The following LOC400499 variants were observed in gnomAD, a reference collection of about 807,000 sequenced individuals.
At chr16:11,517,110 C>G in the LOC400499 span, among the ~76,000 whole-genome samples, 1 of 152,160 alleles carries the variant, frequency 6.6e-6, no homozygotes, top group South Asian at 2.1e-4. Context: ...GAGAGCAGCT[C>G]TCATCCTAAG....
chr16:11,381,810 C>G, the LOC400499 span, among the ~76,000 whole-genome samples: 2 of 152,170 alleles, frequency 1.3e-5, no homozygotes, highest in Non-Finnish European at 2.9e-5. Flanking sequence ...TCTTTCCACC[C>G]TCTTCCTTAG....
chr16:11,378,272 G>A, the LOC400499 span, among the ~76,000 whole-genome samples: 94 of 140,160 alleles, frequency 6.7e-4, 1 homozygote, highest in Middle Eastern at 3.6e-3. Flanking sequence ...TTTTTGCCGG[G>A]GGGAGGGGGG....
chr16:11,469,663 C>T, the LOC400499 span: 1,671 of 399,094 alleles, frequency 4.2e-3, 23 homozygotes, highest in African/African-American at 0.031. Context: ...GAACCAGCTG[C>T]CCTTCTGGAA....
At chr16:11,511,689 G>T in the LOC400499 span, among the ~76,000 whole-genome samples, 1 of 152,150 alleles carries the variant, frequency 6.6e-6, no homozygotes, top group Non-Finnish European at 1.5e-5. Flanking sequence ...GAAGATGATG[G>T]CTAATGAGCA....
At chr16:11,424,053 T>A in the LOC400499 span, 10 of 398,932 alleles carry the variant, frequency 2.5e-5, no homozygotes, top group South Asian at 8.9e-4. Context: ...CTGTTGGGTG[T>A]CCCTGGGACC....
At chr16:11,432,242 G>C in the LOC400499 span, among the ~76,000 whole-genome samples, 4 of 152,228 alleles carry the variant, frequency 2.6e-5, no homozygotes, top group Admixed American at 2.6e-4. Flanking sequence ...ACACAGAACA[G>C]AACTGCCTAA....
At chr16:11,386,250 G>C in the LOC400499 span, among the ~76,000 whole-genome samples, 6 of 151,994 alleles carry the variant, frequency 3.9e-5, no homozygotes, top group Non-Finnish European at 2.9e-5. Flanking sequence ...GCTGTGGCTT[G>C]GGGGTGGGGG....
chr16:11,423,556 A>T, the LOC400499 span, among the ~76,000 whole-genome samples: 522 of 152,376 alleles, frequency 3.4e-3, no homozygotes, highest in African/African-American at 0.012. Flanking sequence ...AGTCAGGGAA[A>T]GAGGAAGCAT....
chr16:11,484,784 G>A, the LOC400499 span: 1 of 397,036 alleles, frequency 2.5e-6, no homozygotes, highest in Non-Finnish European at 4.4e-6. Context: ...CAGAGTCAGA[G>A]TTCACGGACA....
chr16:11,498,278 C>T, the LOC400499 span, among the ~76,000 whole-genome samples: 38 of 152,190 alleles, frequency 2.5e-4, no homozygotes, highest in Admixed American at 8.5e-4. Flanking sequence ...CTCAGGAGTT[C>T]GAGATAAGCC....
the LOC400499 span, chr16:11,425,181 C>T: frequency 5.0e-5 from 20 of 398,896 alleles, no homozygotes; most frequent in South Asian, 2.5e-4. Flanking sequence ...CTGTCCGTGC[C>T]GGGGGCCCCA....
the LOC400499 span, among the ~76,000 whole-genome samples, chr16:11,375,336 C>G: frequency 2.5e-5 from 3 of 120,942 alleles, no homozygotes; most frequent in Admixed American, 8.6e-5. Flanking sequence ...TTTTTGGAGA[C>G]AGAGTCTTGC....
chr16:11,384,264 C>T, the LOC400499 span: 25 of 1,232,204 alleles, frequency 2.0e-5, no homozygotes, highest in South Asian at 8.2e-5. Context: ...TAGAGCCATC[C>T]GGCAACATCA....
chr16:11,526,781 G>T, the LOC400499 span, among the ~76,000 whole-genome samples: 6 of 152,008 alleles, frequency 3.9e-5, no homozygotes, highest in South Asian at 6.2e-4. Context: ...GCATGATCTC[G>T]GCTCACTGCA....
At chr16:11,430,978 C>T in the LOC400499 span, 3 of 398,818 alleles carry the variant, frequency 7.5e-6, no homozygotes, top group Non-Finnish European at 1.3e-5. Flanking sequence ...ATGAATCTAC[C>T]TTGCAGTTCC....
At chr16:11,403,953 C>T in the LOC400499 span, among the ~76,000 whole-genome samples, 1 of 152,228 alleles carries the variant, frequency 6.6e-6, no homozygotes, top group African/African-American at 2.4e-5. Flanking sequence ...CTGGGTCCCC[C>T]AGCCCTCCTG....
the LOC400499 span, among the ~76,000 whole-genome samples, chr16:11,504,294 G>T: frequency 6.6e-6 from 1 of 152,180 alleles, no homozygotes; most frequent in Non-Finnish European, 1.5e-5. Context: ...GGTGGTTCAC[G>T]CCTGTAATCC....
the LOC400499 span, among the ~76,000 whole-genome samples, chr16:11,498,695 G>C: frequency 1.3e-5 from 2 of 151,568 alleles, no homozygotes; most frequent in East Asian, 3.9e-4. Context: ...ATACAGCCCA[G>C]AGAGGCATGA....
At chr16:11,386,767 G>C in the LOC400499 span, among the ~76,000 whole-genome samples, 1 of 152,214 alleles carries the variant, frequency 6.6e-6, no homozygotes, top group African/African-American at 2.4e-5. Context: ...CCACAAGCAA[G>C]CTCCCCAGCC....
Sources: allele counts gnomAD v4.1 joint callset (sites outside exome capture counted in the v4.1 genomes callset), GRCh38; gene constraint gnomAD v4.1.1; transcripts MANE v1.5.